Variants in GRTP1 observed in about 807,000 individuals in gnomAD.
GRTP1 encodes the protein growth hormone regulated TBC protein 1.
Under a neutral mutation model 38.1 loss-of-function variants are expected in GRTP1, and 56 were observed. The ratio of observed to expected loss-of-function variants is 1.47; its 90% CI spans 1.19 to 1.84. The LOEUF (loss-of-function observed/expected upper bound fraction) is 1.84, where lower values mean the gene tolerates loss of function less well. GRTP1 is among the 40% of genes most tolerant of loss of function. The probability of loss-of-function intolerance (pLI) is 0.00; values close to 1 mark genes in which losing one functional copy is unlikely to be tolerated. For missense variants in GRTP1, 506 were observed against 453.9 expected, an observed-to-expected ratio of 1.11 and a Z score of -1.04; for synonymous variants, 217 against 189.5, an observed-to-expected ratio of 1.14 and a Z score of -1.19.
intron 4 of GRTP1, among the ~76,000 whole-genome samples, chr13:113,346,129 T>TTCC (rs2043113044): frequency 7.2e-6 from 1 of 139,230 alleles, no homozygotes; most frequent in Non-Finnish European, 1.6e-5. Flanking sequence ...AGGACCTCTG[T>TTCC]GGACAAGAGC....
chr13:113,350,278 C>T lies in GRTP1; in HGVS notation c.465+571G>A, dbSNP rs577590055. ...CTTAATATGCGCCCAGCTAGGTGGC[C>T]TCCGGGAGGCGCAAGGACTCTCCCA... On this transcript the variant is annotated intron_variant, in intron 4 of 7. Coordinates refer to ENST00000375431, the MANE Select transcript of GRTP1 (RefSeq NM_024719.4). Among the ~76,000 whole-genome samples the T allele has an allele frequency of 5.3e-5, 8 of 152,234 alleles. No individual in the cohort carries two copies. In the East Asian group the frequency reaches 1.5e-3, roughly 29 times the overall value.
At position 113,350,938 on chromosome 13, in the gene GRTP1, G is replaced by A. The variant is rs146277531; in HGVS notation, c.376C>T (p.Arg126Trp). 215 of 1,613,628 alleles carry A rather than the reference G, an allele frequency of 1.3e-4. 2 individuals are homozygous for A. In the Middle Eastern group the frequency reaches 1.5e-3, roughly 11 times the overall value. ...NRTFPDNVKF[R>W]KTTDPCLQRT... ...TGTAAGCAGGGGTCCGTGGTCTTCC[G>A]GAACTTCACGTTGTCGGGGAAGGTC... Residue 126 changes from arginine (R) to tryptophan (W), a missense_variant, in exon 4 of 8, where the codon CGG becomes TGG. Transcript: ENST00000375431.
Position 113,355,437 on chromosome 13 carries a change from G to A in GRTP1, c.226C>T (p.Arg76Cys), listed in dbSNP as rs761421495. 8 of 1,613,732 alleles carry A rather than the reference G, an allele frequency of 5.0e-6. No homozygotes were observed. The highest frequency in any genetic ancestry group is 1.7e-5 in the Admixed American group (1 of 59,984). ...RKGVPLEHRA[R>C]VWMVLSGAQA... ...GCCCCACTCAGCACCATCCAGACGC[G>A]GGCACGGTGCTCCAGCGGGACCCCT... Residue 76 changes from arginine (R) to cysteine (C), a missense_variant, in exon 3 of 8, where the codon CGC becomes TGC. Physicochemically the swap from Arg to Cys is radical, Grantham distance 180. Coordinates refer to ENST00000375431, the MANE Select transcript of GRTP1 (RefSeq NM_024719.4).
At chr13:113,345,505 C>T (rs574915391) in intron 4 of GRTP1, among the ~76,000 whole-genome samples, 9 of 152,368 alleles carry the variant, frequency 5.9e-5, no homozygotes, top group African/African-American at 2.2e-4. Context: ...ACCCTGGGGG[C>T]TTCGCAGCCG....
At position 113,327,550 on chromosome 13, in the gene GRTP1, A is replaced by C. The variant is rs556406233; in HGVS notation, c.563-1459T>G. Among the ~76,000 whole-genome samples the C allele has an allele frequency of 3.3e-5, 5 of 152,364 alleles. 1 individual carries two copies. The highest frequency in any genetic ancestry group is 1.2e-4 in the African/African-American group (5 of 41,598). ...ACTGACGCAACATCACGGTCCTGTC[A>C]CTGCTTTTCAGAGTGAGCACACAGT... On this transcript the variant is annotated intron_variant, in intron 5 of 7. Coordinates refer to ENST00000375431, the MANE Select transcript of GRTP1 (RefSeq NM_024719.4).
At chr13:113,332,652 G>A (rs1204675549) in intron 5 of GRTP1, among the ~76,000 whole-genome samples, 8 of 152,206 alleles carry the variant, frequency 5.3e-5, no homozygotes, top group African/African-American at 9.6e-5. Context: ...AACACATCCC[G>A]AGGAATCCAC....
chr13:113,353,407 C>T (rs9324233), intron 3 of GRTP1, among the ~76,000 whole-genome samples: 140,090 of 152,326 alleles, frequency 0.92, 64,637 homozygotes, highest in Middle Eastern at 0.99. Context: ...TCTGCCCATG[C>T]GTGGAATATT....
rs1199024153 is a variant in GRTP1, at chr13:113,333,991, T to C, written c.563-7900A>G. Among the ~76,000 whole-genome samples the C allele has an allele frequency of 1.1e-4, 16 of 151,830 alleles. No individual in the cohort carries two copies. In the East Asian group the frequency reaches 2.3e-3, roughly 22 times the overall value. ...CTGGGATTATAGGTGTGCGCCACCA[T>C]GCCTGGCTAATTTTTGTATTTTTAG... On this transcript the variant is annotated intron_variant, in intron 5 of 7. Transcript: ENST00000375431.
chr13:113,331,388 G>A (rs1336497624), intron 5 of GRTP1, among the ~76,000 whole-genome samples: 1 of 152,150 alleles, frequency 6.6e-6, no homozygotes, highest in Admixed American at 6.5e-5. Flanking sequence ...TGCGGGGCTG[G>A]GATACCAGGA....
Position 113,361,397 on chromosome 13 carries a change from T to G in GRTP1, c.181+2365A>C, listed in dbSNP as rs555755977. ...AAAGTGGGGGCAATGTGCTGAGTGG[T>G]TCCCTAAAAAGGAAAATATGGAACC... On this transcript the variant is annotated intron_variant, in intron 2 of 7. Coordinates refer to ENST00000375431, the MANE Select transcript of GRTP1 (RefSeq NM_024719.4). Among the ~76,000 whole-genome samples the G allele has an allele frequency of 3.3e-5, 5 of 152,100 alleles. No individual in the cohort carries two copies. The South Asian group carries it at 1.0e-3, about 32-fold the overall frequency.
rs1199071826 is a variant in GRTP1 at position 113,343,832 on chromosome 13, C to T, written c.562+1031G>A. Among the ~76,000 whole-genome samples the T allele has an allele frequency of 6.6e-6, 1 of 152,158 alleles. No homozygotes were observed. The highest frequency in any genetic ancestry group is 1.5e-5 in the Non-Finnish European group (1 of 68,032). The stretch of plus-strand genomic sequence containing the variant: ...TCTGCCCTGCAGGATGAGCACGCAG[C>T]CCCCTTGACCCAGCACCACAGCCAG... On this transcript the variant is annotated intron_variant, in intron 5 of 7. Coordinates refer to ENST00000375431, the MANE Select transcript of GRTP1 (RefSeq NM_024719.4). The surrounding 1 kb of genome is among the most constrained non-coding windows in gnomAD (Gnocchi z 4.8).
At position 113,359,336 on chromosome 13, in the gene GRTP1, A is replaced by G. The variant is rs536650431; in HGVS notation, c.182-3855T>C. Among the ~76,000 whole-genome samples the G allele has an allele frequency of 2.6e-5, 4 of 152,336 alleles. No homozygotes were observed. In the South Asian group the frequency reaches 8.3e-4, roughly 32 times the overall value. Reference sequence around the variant, plus strand: ...ACAGAACCATATACTGTTAAGAGTGAATTTTACTGTAAATTGTTAAAATTA... The same window carrying G: ...ACAGAACCATATACTGTTAAGAGTGGATTTTACTGTAAATTGTTAAAATTA... On this transcript the variant is annotated intron_variant, in intron 2 of 7. Transcript: ENST00000375431.
At chr13:113,344,724 AAAAAAAAAAAAC>A (rs1479242044) in intron 5 of GRTP1, 127 bp downstream of exon 5, 21 of 420,910 alleles carry the variant, frequency 5.0e-5, no homozygotes, top group Non-Finnish European at 8.3e-5. Context: ...AAAAAAAAAA[AAAAAAAAAAAAC>A]GGTTTGTAAC....
chr13:113,336,208 CAGTGCCGTGG>C (rs770654574), intron 5 of GRTP1, among the ~76,000 whole-genome samples: 7 of 152,082 alleles, frequency 4.6e-5, no homozygotes, highest in African/African-American at 7.2e-5. Context: ...CTGCTGGGAG[CAGTGCCGTGG>C]CGAACGCTGG....
intron 2 of GRTP1, among the ~76,000 whole-genome samples, chr13:113,356,585 A>T (rs2043391364): frequency 6.6e-6 from 1 of 152,170 alleles, no homozygotes; most frequent in Admixed American, 6.5e-5. Flanking sequence ...TTTGAAAAGA[A>T]ACCAATATTT....
At chr13:113,326,865 A>G (rs1344452257) in intron 5 of GRTP1, among the ~76,000 whole-genome samples, 1 of 152,184 alleles carries the variant, frequency 6.6e-6, no homozygotes, top group Non-Finnish European at 1.5e-5. Flanking sequence ...GAAAGGGAGG[A>G]AGTCAGGCCA....
At chr13:113,352,234 A>ATATATATATATT (rs1555318906) in intron 3 of GRTP1, among the ~76,000 whole-genome samples, 28 of 113,308 alleles carry the variant, frequency 2.5e-4, no homozygotes, top group Middle Eastern at 4.2e-3. Flanking sequence ...TTCTATATTT[A>ATATATATATATT]TATATATATT....
chr13:113,327,177 TATA>T (rs1432326657), intron 5 of GRTP1, among the ~76,000 whole-genome samples: 2 of 152,238 alleles, frequency 1.3e-5, no homozygotes, highest in Admixed American at 6.5e-5. Flanking sequence ...TGTAATGAGT[TATA>T]GTACATTTTT....
chr13:113,333,874 T>TGTGTGTGTGTGTGTGTGC (rs33972835), intron 5 of GRTP1, among the ~76,000 whole-genome samples: 5 of 135,344 alleles, frequency 3.7e-5, no homozygotes, highest in Non-Finnish European at 7.7e-5. Context: ...TGTGTGTGTG[T>TGTGTGTGTGTGTGTGTGC]CCGAGGCTGG....
Sources: allele counts gnomAD v4.1 joint callset (sites outside exome capture counted in the v4.1 genomes callset), GRCh38; gene constraint gnomAD v4.1.1; non-coding constraint Gnocchi (gnomAD v3.1); transcripts MANE v1.5; gene names NCBI Gene and HGNC (gene_info 2026-07-23, HGNC 2026-07-21).